EYA1: variants seen among roughly 807,000 people sequenced by gnomAD.
EYA1 encodes protein phosphatase EYA1.
In EYA1, 16 loss-of-function variants were observed where a neutral mutation model predicts 82.0. The ratio of observed to expected loss-of-function variants is 0.20; its 90% CI spans 0.13 to 0.30. EYA1 has a LOEUF of 0.30. Among genes scored for constraint, EYA1 ranks in the 10% least tolerant of loss-of-function variants. The pLI, the probability that EYA1 is intolerant of heterozygous loss-of-function variation, is 1.00. For missense variants in EYA1, 633 were observed against 730.7 expected (o/e 0.87, Z 1.54); for synonymous variants, 261 against 264.4 (o/e 0.99, Z 0.12).
At chr8:71,231,486 G>A (rs1224536093) in intron 12 of EYA1, among the ~76,000 whole-genome samples, 2 of 152,172 alleles carry the variant, frequency 1.3e-5, no homozygotes, top group Non-Finnish European at 2.9e-5. Context: ...GGAAGTCACT[G>A]CTCCAACACT....
rs942750245 is a variant in EYA1 at position 71,453,393 on chromosome 8, A to G, written c.33+82351T>C. On this transcript the variant is annotated intron_variant, in intron 2 of 18. Transcript: ENST00000643681. ...TTCCCCAGCCTAGCAAGGCAGGCCA[A>G]CATTCAAATTCAGGAAATACAGAGA... Among the ~76,000 whole-genome samples, 4 of 152,210 alleles carry G rather than the reference A, an allele frequency of 2.6e-5. No homozygotes were observed. The East Asian group carries it at 7.7e-4, about 29-fold the overall frequency.
chr8:71,376,351 C>T (rs915375137), intron 2 of EYA1, among the ~76,000 whole-genome samples: 4 of 152,044 alleles, frequency 2.6e-5, no homozygotes, highest in Non-Finnish European at 5.9e-5. Context: ...ACATTGCTGG[C>T]CAGATAAAGA....
chr8:71,266,283 C>G (rs920943588), intron 11 of EYA1, among the ~76,000 whole-genome samples: 1 of 152,186 alleles, frequency 6.6e-6, no homozygotes, highest in African/African-American at 2.4e-5. Flanking sequence ...GAAGTCTTGT[C>G]ACTGAACTCC....
intron 17 of EYA1, among the ~76,000 whole-genome samples, chr8:71,208,277 C>T (rs1364077522): frequency 6.6e-6 from 1 of 152,024 alleles, no homozygotes; most frequent in Non-Finnish European, 1.5e-5. Flanking sequence ...ACTAAAAATA[C>T]AAAAATTAGC....
chr8:71,386,452 T>A (rs1828970146), intron 2 of EYA1, among the ~76,000 whole-genome samples: 1 of 152,244 alleles, frequency 6.6e-6, no homozygotes, highest in African/African-American at 2.4e-5. Flanking sequence ...TAGTTTTTCA[T>A]AAGGAAGTTT....
chr8:71,311,220 C>T (rs982939389), intron 7 of EYA1, among the ~76,000 whole-genome samples: 2 of 152,168 alleles, frequency 1.3e-5, no homozygotes, highest in South Asian at 4.1e-4. Context: ...ACAGACCTTG[C>T]ATTTTTAAAG....
chr8:71,422,317 G>T (rs1831188474), intron 2 of EYA1, among the ~76,000 whole-genome samples: 1 of 152,176 alleles, frequency 6.6e-6, no homozygotes, highest in Non-Finnish European at 1.5e-5. Context: ...GACATTAGGG[G>T]TTTTACTCTC....
intron 2 of EYA1, among the ~76,000 whole-genome samples, chr8:71,355,263 C>A (rs1826748636): frequency 1.3e-5 from 2 of 151,954 alleles, no homozygotes; most frequent in South Asian, 4.2e-4. Context: ...TAAAAAGGAC[C>A]AAAGGCATTA....
At chr8:71,523,085 T>A (rs1813524413) in intron 2 of EYA1, among the ~76,000 whole-genome samples, 1 of 152,148 alleles carries the variant, frequency 6.6e-6, no homozygotes, top group African/African-American at 2.4e-5. Context: ...TCTCATGTTT[T>A]AAGGTGGGTG....
In EYA1 at chr8:71,393,533, A is replaced by AATTGGTG. The variant is rs1228714832; in HGVS notation, c.34-37023_34-37022insCACCAAT. 3.9e-5 allele frequency among the ~76,000 whole-genome samples: 6 copies of AATTGGTG among 152,264 alleles called. No individual in the cohort carries two copies. The East Asian group carries it at 9.7e-4, about 25-fold the overall frequency. Reference sequence around the variant, plus strand: ...ATTGTTCAATTCCCACCTATGAGTGAGAACATGTGGTGTTTGGTTTTCTGT... The same window carrying AATTGGTG: ...ATTGTTCAATTCCCACCTATGAGTGAATTGGTGGAACATGTGGTGTTTGGTTTTCTGT... On this transcript the variant is annotated intron_variant, in intron 2 of 18. Coordinates refer to the EYA1 transcript ENST00000643681.
intron 2 of EYA1, among the ~76,000 whole-genome samples, chr8:71,368,034 T>C (rs1296588948): frequency 6.6e-6 from 1 of 152,216 alleles, no homozygotes; most frequent in Non-Finnish European, 1.5e-5. Context: ...GTGTGATTCA[T>C]GTTCTTTCAA....
chr8:71,530,196 G>C (rs1300958462), intron 2 of EYA1, among the ~76,000 whole-genome samples: 1 of 152,176 alleles, frequency 6.6e-6, no homozygotes, highest in Non-Finnish European at 1.5e-5. Flanking sequence ...ACAGATGTAA[G>C]AGGGACAAAG....
chr8:71,492,749 G>A (rs770082654), intron 2 of EYA1, among the ~76,000 whole-genome samples: 2 of 152,200 alleles, frequency 1.3e-5, no homozygotes, highest in Non-Finnish European at 2.9e-5. Context: ...ACAGGCGTGA[G>A]CCACTGCGCC....
chr8:71,351,038 A>C (rs1167253809), intron 3 of EYA1, among the ~76,000 whole-genome samples: 1 of 152,182 alleles, frequency 6.6e-6, no homozygotes, highest in Non-Finnish European at 1.5e-5. Context: ...AAATCCTCTC[A>C]GATTTGATGA....
intron 2 of EYA1, among the ~76,000 whole-genome samples, chr8:71,408,443 T>C (rs1420232505): frequency 1.7e-5 from 2 of 115,834 alleles, no homozygotes; most frequent in Non-Finnish European, 3.7e-5. Flanking sequence ...GGATAAAGAG[T>C]GAAGACCCAT....
At chr8:71,418,811 A>G (rs1201019208) in intron 2 of EYA1, among the ~76,000 whole-genome samples, 2 of 152,118 alleles carry the variant, frequency 1.3e-5, no homozygotes, top group South Asian at 2.1e-4. Flanking sequence ...AAGGGCAACA[A>G]TGGGAGGGAG....
chr8:71,222,758 G>A (rs964723619), intron 12 of EYA1, among the ~76,000 whole-genome samples: 17 of 152,240 alleles, frequency 1.1e-4, no homozygotes, highest in African/African-American at 2.9e-4. Context: ...TGAGATAAAT[G>A]CTGCGATGCT....
chr8:71,263,952 A>T (rs1815453046), intron 11 of EYA1, among the ~76,000 whole-genome samples: 1 of 152,224 alleles, frequency 6.6e-6, no homozygotes, highest in African/African-American at 2.4e-5. Context: ...GCATTCAATC[A>T]AGTTTCATTG....
intron 17 of EYA1, among the ~76,000 whole-genome samples, chr8:71,202,729 C>T (rs1283428816): frequency 6.6e-6 from 1 of 152,198 alleles, no homozygotes; most frequent in Non-Finnish European, 1.5e-5. Flanking sequence ...GATAGCAACT[C>T]TATCCTCTGC....
Sources: gnomAD v4.1 joint callset for allele counts (sites outside exome capture counted in the v4.1 genomes callset) on GRCh38, gnomAD v4.1.1 for gene constraint, MANE v1.5 for transcripts, NCBI Gene and HGNC (gene_info 2026-07-23, HGNC 2026-07-21) for gene names.